TMEM196: variants seen among roughly 807,000 people sequenced by gnomAD.
TMEM196 encodes transmembrane protein 196.
TMEM196 carries 17 observed loss-of-function variants against 20.0 expected under a neutral mutation model. The ratio of observed to expected loss-of-function variants is 0.85; its 90% confidence interval spans 0.58 to 1.27. The LOEUF (loss-of-function observed/expected upper bound fraction) is 1.27, where lower values mean the gene tolerates loss of function less well. TMEM196 is among the 50% of genes most tolerant of loss of function. The probability of loss-of-function intolerance (pLI) is 0.00; values close to 1 mark genes in which losing one functional copy is unlikely to be tolerated. For synonymous variants in TMEM196, 113 were observed against 88.9 expected, an observed-to-expected ratio of 1.27 and a Z score of -1.52; for missense variants, 267 against 223.0, an observed-to-expected ratio of 1.20 and a Z score of -1.26.
chr7:19,772,295 C>G, intron 1 of TMEM196, among the ~76,000 whole-genome samples: 1 of 150,440 alleles, frequency 6.6e-6, no homozygotes, highest in East Asian at 2.0e-4. Context: ...CCCCCACCCC[C>G]ACCTTTAAAC....
At chr7:19,733,935 C>T (rs920559029) in intron 1 of TMEM196, among the ~76,000 whole-genome samples, 4 of 152,174 alleles carry the variant, frequency 2.6e-5, no homozygotes, top group Middle Eastern at 3.2e-3. Context: ...CACCTTCACT[C>T]ACCATGAGTT....
rs568168826 is a variant in TMEM196, at chr7:19,738,280, G to A, written c.148-8842C>T. ...AGAGTGAGAGTTCAGAAATAAGTCA[G>A]GGTAAGAGTCTAGAATGATCCACAT... On this transcript the variant is annotated intron_variant, in intron 1 of 4. Coordinates refer to ENST00000405844, the MANE Select transcript of TMEM196 (RefSeq NM_001363562.2). Among the ~76,000 whole-genome samples the A allele has an allele frequency of 6.6e-5, 10 of 152,192 alleles. No individual in the cohort carries two copies. In the East Asian group the frequency reaches 1.7e-3, roughly 26 times the overall value.
At chr7:19,736,893 A>AT (rs753477788) in intron 1 of TMEM196, among the ~76,000 whole-genome samples, 47 of 151,822 alleles carry the variant, frequency 3.1e-4, no homozygotes, top group Non-Finnish European at 6.3e-4. Flanking sequence ...GCTAATACAT[A>AT]TTTTTTCCCC....
intron 1 of TMEM196, among the ~76,000 whole-genome samples, chr7:19,767,871 T>G (rs1248153284): frequency 6.6e-6 from 1 of 152,022 alleles, no homozygotes; most frequent in South Asian, 2.1e-4. Flanking sequence ...TTATTTCTTT[T>G]TTATTAAATA....
chr7:19,772,462 G>T, intron 1 of TMEM196, 88 bp downstream of exon 1: 2 of 1,344,430 alleles, frequency 1.5e-6, no homozygotes, highest in Non-Finnish European at 9.7e-7. Flanking sequence ...CCCAGGGAGG[G>T]AGTGACTAAT....
intron 2 of TMEM196, among the ~76,000 whole-genome samples, chr7:19,727,954 A>G (rs1784058299): frequency 6.6e-6 from 1 of 152,150 alleles, no homozygotes; most frequent in Admixed American, 6.5e-5. Context: ...TGTAGAAAAT[A>G]TTGATAGTTA....
At position 19,725,733 on chromosome 7, in the gene TMEM196, A is replaced by T. The variant is rs1783979172; in HGVS notation, c.240T>A (p.Leu80=). The change falls in exon 3 of 5, where the codon CTT becomes CTA. Residue 80 remains leucine, a synonymous_variant. Coordinates refer to ENST00000405844, the MANE Select transcript of TMEM196 (RefSeq NM_001363562.2). ...ILFSACCICG[L]IGGILNFQFL... ...ACTGAAAATTCAGGATGCCCCCAAT[A>T]AGTCCACAGATACAGCAGGCTGAAA... 6.2e-7 allele frequency: 1 copy of T among 1,612,780 alleles called. No individual in the cohort carries two copies. Among genetic ancestry groups the T allele is most frequent in the Non-Finnish European group, 8.5e-7 (1 of 1,178,992 alleles).
chr7:19,735,950 C>T (rs1391792680), intron 1 of TMEM196, among the ~76,000 whole-genome samples: 2 of 151,988 alleles, frequency 1.3e-5, no homozygotes, highest in Non-Finnish European at 2.9e-5. Flanking sequence ...AATTTCATAA[C>T]GTTAGTTCGT....
intron 1 of TMEM196, among the ~76,000 whole-genome samples, chr7:19,750,532 G>A (rs1318992413): frequency 1.3e-5 from 2 of 151,960 alleles, no homozygotes; most frequent in Non-Finnish European, 2.9e-5. Flanking sequence ...TCAGCCTTAA[G>A]CTGGTGAAAA....
chr7:19,769,110 G>A (rs758497601), intron 1 of TMEM196, among the ~76,000 whole-genome samples: 1 of 152,106 alleles, frequency 6.6e-6, no homozygotes, highest in African/African-American at 2.4e-5. Context: ...ATATTAATGT[G>A]TTGAAAGGAG....
intron 4 of TMEM196, among the ~76,000 whole-genome samples, chr7:19,722,523 G>A (rs1344048229): frequency 6.6e-6 from 1 of 152,070 alleles, no homozygotes; most frequent in African/African-American, 2.4e-5. Flanking sequence ...GCATTCTAGA[G>A]GTGACCTTTA....
intron 1 of TMEM196, among the ~76,000 whole-genome samples, chr7:19,754,982 A>C (rs1785145921): frequency 6.6e-6 from 1 of 152,248 alleles, no homozygotes; most frequent in Admixed American, 6.5e-5. Context: ...TATAAGAATA[A>C]GGAGACTAAT....
intron 1 of TMEM196, among the ~76,000 whole-genome samples, chr7:19,763,166 T>C (rs17141936): frequency 0.028 from 4,269 of 152,256 alleles, 196 homozygotes; most frequent in African/African-American, 0.098. Flanking sequence ...TGATCTTAAA[T>C]CACTAAAGCC....
rs1431065816 is a variant in TMEM196, at chr7:19,743,477, T to C, written c.148-14039A>G. Reference sequence around the variant, plus strand: ...ATATTACTTAGCCATGCTCTCTCTGTTTGTATCAATTTTATAATAAATATT... The same window carrying C: ...ATATTACTTAGCCATGCTCTCTCTGCTTGTATCAATTTTATAATAAATATT... On this transcript the variant is annotated intron_variant, in intron 1 of 4. Transcript: ENST00000405844. Among the ~76,000 whole-genome samples the C allele has an allele frequency of 2.6e-5, 4 of 152,304 alleles. No individual in the cohort carries two copies. In the East Asian group the frequency reaches 5.8e-4, roughly 22 times the overall value.
At chr7:19,749,212 A>T (rs531982685) in intron 1 of TMEM196, among the ~76,000 whole-genome samples, 1 of 152,232 alleles carries the variant, frequency 6.6e-6, no homozygotes, top group Non-Finnish European at 1.5e-5. Flanking sequence ...TATGAACAAG[A>T]TAAAAATAAA....
intron 1 of TMEM196, among the ~76,000 whole-genome samples, chr7:19,737,480 T>C (rs1448597920): frequency 6.6e-6 from 1 of 151,942 alleles, no homozygotes; most frequent in East Asian, 1.9e-4. Context: ...CCTAACTAAT[T>C]TGAAATGATT....
chr7:19,757,143 C>G (rs1051926283), intron 1 of TMEM196, among the ~76,000 whole-genome samples: 1 of 151,570 alleles, frequency 6.6e-6, no homozygotes, highest in South Asian at 2.1e-4. Flanking sequence ...GTGTAATATC[C>G]CCAAAACTTG....
intron 1 of TMEM196, among the ~76,000 whole-genome samples, chr7:19,741,783 ATTG>A (rs1396890298): frequency 6.6e-6 from 1 of 152,196 alleles, no homozygotes; most frequent in Non-Finnish European, 1.5e-5. Context: ...TCTGTTTTTA[ATTG>A]TTAAGACAGA....
chr7:19,738,833 A>G (rs1360477621), intron 1 of TMEM196, among the ~76,000 whole-genome samples: 1 of 152,164 alleles, frequency 6.6e-6, no homozygotes. Context: ...AAAAATTTCA[A>G]ATAACTTATG....
Sources: allele counts gnomAD v4.1 joint callset (sites outside exome capture counted in the v4.1 genomes callset), GRCh38; gene constraint gnomAD v4.1.1; transcripts MANE v1.5; gene names NCBI Gene and HGNC (gene_info 2026-07-23, HGNC 2026-07-21).